Variants in WWOX observed in about 807,000 individuals in gnomAD.
WWOX encodes the protein WW domain-containing oxidoreductase.
A neutral mutation model predicts 46.2 loss-of-function variants in WWOX; 69 were observed. The observed-to-expected ratio is 1.49, with a 90% confidence interval of 1.23 to 1.82. The LOEUF (loss-of-function observed/expected upper bound fraction) is 1.82, where lower values mean the gene tolerates loss of function less well. Ranked by LOEUF, WWOX falls within the 40% of genes most tolerant of loss-of-function variation. The pLI is 0.00. For synonymous variants in WWOX, 359 were observed against 202.6 expected, an observed-to-expected ratio of 1.77 and a Z score of -6.56; for missense variants, 919 against 542.6, an observed-to-expected ratio of 1.69 and a Z score of -6.89.
intron 5 of WWOX, among the ~76,000 whole-genome samples, chr16:78,228,875 T>A (rs188244739): frequency 2.0e-5 from 3 of 152,206 alleles, no homozygotes; most frequent in Non-Finnish European, 4.4e-5. Flanking sequence ...TTGTGCCAAG[T>A]GTCCGTAAAC....
intron 8 of WWOX, among the ~76,000 whole-genome samples, chr16:79,010,227 C>A (rs1421918773): frequency 6.6e-6 from 1 of 152,188 alleles, no homozygotes; most frequent in Non-Finnish European, 1.5e-5. Flanking sequence ...CGAGCATCTG[C>A]TGTGTGCCAG....
intron 8 of WWOX, among the ~76,000 whole-genome samples, chr16:78,868,481 A>ACTGT (rs111381785): frequency 6.6e-6 from 1 of 151,388 alleles, no homozygotes; most frequent in Non-Finnish European, 1.5e-5. Context: ...AAATATACTA[A>ACTGT]CATCAAACTG....
At chr16:78,991,344 A>C (rs1421928566) in intron 8 of WWOX, among the ~76,000 whole-genome samples, 1 of 152,144 alleles carries the variant, frequency 6.6e-6, no homozygotes, top group Non-Finnish European at 1.5e-5. Context: ...CTGTAATTCC[A>C]GCATTTTGGG....
chr16:78,757,927 A>T (rs929949055), intron 8 of WWOX, among the ~76,000 whole-genome samples: 3 of 151,894 alleles, frequency 2.0e-5, no homozygotes, highest in Non-Finnish European at 4.4e-5. Flanking sequence ...CACCTTGGAG[A>T]TTAGGGTTTC....
intron 8 of WWOX, among the ~76,000 whole-genome samples, chr16:78,667,105 G>T (rs763901517): frequency 6.0e-4 from 91 of 152,258 alleles, no homozygotes; most frequent in Non-Finnish European, 9.4e-4. Context: ...TTTAAATTCA[G>T]TCACGTCTTA....
intron 5 of WWOX, among the ~76,000 whole-genome samples, chr16:78,229,435 C>A (rs1245002148): frequency 1.3e-5 from 2 of 148,674 alleles, no homozygotes; most frequent in Non-Finnish European, 3.0e-5. Context: ...TATATCTGGT[C>A]CTTTAGACAT....
intron 5 of WWOX, among the ~76,000 whole-genome samples, chr16:78,245,928 C>T (rs760565080): frequency 2.0e-5 from 3 of 152,288 alleles, no homozygotes; most frequent in Middle Eastern, 3.4e-3. Flanking sequence ...GGAATTCTAA[C>T]CCTCTTGCCA....
Position 79,212,230 on chromosome 16 carries a change from T to TC in WWOX, c.*436dup. The stretch of plus-strand genomic sequence containing the variant: ...GGAAGAAAAAGCAAGTGTTCACTGC[T>TC]CCTTGCTGCATTGATCCAGGAGATA... On this transcript the variant is annotated 3_prime_UTR_variant, in exon 9 of 9. Transcript: ENST00000566780. 8.0e-6 allele frequency: 11 copies of TC among 1,379,912 alleles called. No homozygotes were observed. The highest frequency in any genetic ancestry group is 1.0e-5 in the Non-Finnish European group (11 of 1,047,850). The allele number at this position is 1,379,912 out of a possible 1,614,324, so 85.5% of individuals were successfully genotyped here. A position where few individuals can be genotyped will look rare whatever the true frequency, so the allele number is the denominator to read the frequency against.
chr16:78,753,390 G>A (rs2049537294), intron 8 of WWOX, among the ~76,000 whole-genome samples: 1 of 152,146 alleles, frequency 6.6e-6, no homozygotes, highest in Non-Finnish European at 1.5e-5. Context: ...CAAAGACAAT[G>A]AGTAAGAAGA....
intron 8 of WWOX, among the ~76,000 whole-genome samples, chr16:79,002,468 C>A (rs2047112990): frequency 1.3e-5 from 2 of 152,076 alleles, no homozygotes. Flanking sequence ...GGTGATCCAC[C>A]TGCCTTGGCC....
intron 4 of WWOX, among the ~76,000 whole-genome samples, chr16:78,156,782 G>A (rs1199739261): frequency 6.6e-6 from 1 of 152,150 alleles, no homozygotes; most frequent in Non-Finnish European, 1.5e-5. Flanking sequence ...AAATTAGCTG[G>A]GTGTGGTGGC....
chr16:78,565,426 C>T (rs557814333), intron 8 of WWOX, among the ~76,000 whole-genome samples: 55 of 152,294 alleles, frequency 3.6e-4, no homozygotes, highest in African/African-American at 1.3e-3. Flanking sequence ...TTGGCCCCTT[C>T]CTCTGGCTTC....
At chr16:78,541,304 C>G (rs1284963985) in intron 8 of WWOX, among the ~76,000 whole-genome samples, 4 of 150,662 alleles carry the variant, frequency 2.7e-5, no homozygotes, top group South Asian at 2.1e-4. Context: ...GAAACCCCGT[C>G]TCTACTAAAA....
intron 8 of WWOX, among the ~76,000 whole-genome samples, chr16:78,667,649 C>T (rs149703506): frequency 0.037 from 4,550 of 122,352 alleles, 97 homozygotes; most frequent in Middle Eastern, 0.06. Flanking sequence ...CCAGCCTGGG[C>T]GACAGAGTGA....
At chr16:78,365,461 C>G (rs1194181275) in intron 5 of WWOX, among the ~76,000 whole-genome samples, 2 of 152,154 alleles carry the variant, frequency 1.3e-5, no homozygotes, top group Non-Finnish European at 2.9e-5. Context: ...TGGTTCCCAA[C>G]AAGGCTTGCA....
intron 8 of WWOX, among the ~76,000 whole-genome samples, chr16:78,554,059 C>T (rs565125244): frequency 6.6e-6 from 1 of 152,246 alleles, no homozygotes; most frequent in South Asian, 2.1e-4. Flanking sequence ...TCCACAGATA[C>T]TTTGAGTGCA....
intron 8 of WWOX, among the ~76,000 whole-genome samples, chr16:78,876,175 T>C (rs1453682399): frequency 6.6e-6 from 1 of 151,872 alleles, no homozygotes; most frequent in African/African-American, 2.4e-5. Context: ...CTTTACGTTT[T>C]AACAACGGAA....
At chr16:78,406,911 C>T (rs767660219) in intron 6 of WWOX, among the ~76,000 whole-genome samples, 1 of 152,184 alleles carries the variant, frequency 6.6e-6, no homozygotes, top group Non-Finnish European at 1.5e-5. Flanking sequence ...CAGGCGTCAG[C>T]CACTGTGCCC....
intron 8 of WWOX, among the ~76,000 whole-genome samples, chr16:78,709,878 G>A (rs1202346614): frequency 6.6e-6 from 1 of 151,836 alleles, no homozygotes; most frequent in Non-Finnish European, 1.5e-5. Flanking sequence ...ACAGGCACCC[G>A]CCACCCGACG....
Sources: gnomAD v4.1 joint callset for allele counts (sites outside exome capture counted in the v4.1 genomes callset) on GRCh38, gnomAD v4.1.1 for gene constraint, MANE v1.5 for transcripts, NCBI Gene and HGNC (gene_info 2026-07-23, HGNC 2026-07-21) for gene names.